Variants in STRN observed in about 807,000 individuals in gnomAD.
STRN encodes the protein protein phosphatase 2 regulatory subunit B'''alpha.
A neutral mutation model predicts 96.3 loss-of-function variants in STRN; 53 were observed. The observed-to-expected ratio is 0.55, with a 90% CI of 0.44 to 0.69. The LOEUF is 0.69. Ranked by LOEUF, STRN falls within the 30% of genes least tolerant of loss-of-function variation. STRN has a pLI of 0.00. For synonymous variants in STRN, 428 were observed against 355.9 expected, an observed-to-expected ratio of 1.20 and a Z score of -2.28; for missense variants, 987 against 963.9, an observed-to-expected ratio of 1.02 and a Z score of -0.32.
At chr2:36,879,175 A>T (rs372626698) in intron 9 of STRN, among the ~76,000 whole-genome samples, 5 of 151,842 alleles carry the variant, frequency 3.3e-5, no homozygotes, top group East Asian at 1.9e-4. Flanking sequence ...GGTTCAAGCA[A>T]TTCTCCTGCC....
intron 3 of STRN, among the ~76,000 whole-genome samples, chr2:36,907,223 G>A (rs919433565): frequency 3.9e-5 from 6 of 152,126 alleles, no homozygotes; most frequent in African/African-American, 1.4e-4. Flanking sequence ...ATACAATAGG[G>A]ACTGGAAAAA....
At chr2:36,965,646 C>CG (rs961659110) in intron 1 of STRN, among the ~76,000 whole-genome samples, 1 of 151,188 alleles carries the variant, frequency 6.6e-6, no homozygotes, top group Non-Finnish European at 1.5e-5. Flanking sequence ...GGGAGGGGGC[C>CG]GGGGGGTCGG....
At chr2:36,941,413 C>T (rs1558662616) in intron 1 of STRN, among the ~76,000 whole-genome samples, 1 of 152,114 alleles carries the variant, frequency 6.6e-6, no homozygotes, top group Non-Finnish European at 1.5e-5. Context: ...AAGTAATGTT[C>T]AAAGCTGTTA....
Position 36,855,063 on chromosome 2 carries a change from T to C in STRN, c.1978+149A>G, listed in dbSNP as rs1013692390. ...TTAACCCAAATTCTTAAAAGGTAAA[T>C]AATTACAACCTTCTAAGTAACTGTG... On this transcript the variant is annotated intron_variant, in intron 15 of 17. Transcript: ENST00000263918. 47 of 819,056 alleles carry C rather than the reference T, an allele frequency of 5.7e-5. No homozygotes were observed. In the Middle Eastern group the frequency reaches 2.2e-3, roughly 38 times the overall value. 50.7% of individuals were successfully genotyped at this position (819,056 alleles called of 1,614,324 possible). A position where few individuals can be genotyped will look rare whatever the true frequency, so the allele number is the denominator to read the frequency against.
chr2:36,846,387 T>A lies in STRN; in HGVS notation c.*3069A>T, dbSNP rs959308817. ...CAAAACAGTAAAATGCACCTATGGT[T>A]TATATATATATATATATATATATAT... On this transcript the variant is annotated 3_prime_UTR_variant, in exon 18 of 18. Transcript: ENST00000263918. 5.1e-5 allele frequency: 4 copies of A among 78,328 alleles called. No individual in the cohort carries two copies. The highest frequency in any genetic ancestry group is 4.5e-4 in the South Asian group (1 of 2,234). The allele number at this position is 78,328 out of a possible 1,614,324, so 4.9% of individuals were successfully genotyped here.
intron 1 of STRN, among the ~76,000 whole-genome samples, chr2:36,926,360 A>G (rs1219061878): frequency 1.3e-5 from 2 of 152,230 alleles, no homozygotes; most frequent in South Asian, 4.1e-4. Flanking sequence ...AACTAGCTAT[A>G]AATTTCACTA....
At chr2:36,929,506 T>G (rs147993529) in intron 1 of STRN, among the ~76,000 whole-genome samples, 2,230 of 151,726 alleles carry the variant, frequency 0.015, 20 homozygotes, top group Non-Finnish European at 0.021. Flanking sequence ...TACCTCACCC[T>G]CCTGAGTAGC....
chr2:36,909,001 A>T (rs571705116), intron 3 of STRN, among the ~76,000 whole-genome samples: 1 of 150,368 alleles, frequency 6.7e-6, no homozygotes, highest in Admixed American at 6.6e-5. Flanking sequence ...CACCCCAGAA[A>T]AAAAAATAGC....
At chr2:36,950,464 C>T (rs918548585) in intron 1 of STRN, among the ~76,000 whole-genome samples, 2 of 152,102 alleles carry the variant, frequency 1.3e-5, no homozygotes, top group Non-Finnish European at 2.9e-5. Context: ...GATCCACCCG[C>T]CTTGGCCTCC....
At position 36,957,744 on chromosome 2, in the gene STRN, C is replaced by CTT. The variant is rs1159531782; in HGVS notation, c.234+8484_234+8485dup. ...TTAGTCTCATAGTTCTTCTTTTTGTCTTTTTTTTTTTTTTTTTTTTTTTTT... is the reference window on the plus strand; with the variant it reads ...TTAGTCTCATAGTTCTTCTTTTTGTCTTTTTTTTTTTTTTTTTTTTTTTTTTT... On this transcript the variant is annotated intron_variant, in intron 1 of 17. Coordinates refer to ENST00000263918, the MANE Select transcript of STRN (RefSeq NM_003162.4). 5.6e-4 allele frequency among the ~76,000 whole-genome samples: 50 copies of CTT among 89,188 alleles called. 8 individuals carry two copies. In the East Asian group the frequency reaches 8.9e-3, roughly 16 times the overall value. The allele number at this position is 89,188 out of a possible 152,430, so 58.5% of individuals were successfully genotyped here. A position where few individuals can be genotyped will look rare whatever the true frequency, so the allele number is the denominator to read the frequency against.
chr2:36,867,951 A>G, intron 11 of STRN, 90 bp from the exon 12 acceptor site: 1 of 1,012,762 alleles, frequency 9.9e-7, no homozygotes, highest in Non-Finnish European at 1.4e-6. Context: ...AAAAATACAA[A>G]CATTATGGGA....
chr2:36,912,282 C>A (rs1303146947), intron 3 of STRN, among the ~76,000 whole-genome samples: 1 of 152,160 alleles, frequency 6.6e-6, no homozygotes. Context: ...TTTCCTTGAC[C>A]CCATGTGTCC....
chr2:36,894,375 C>A (rs1407925004), intron 6 of STRN, among the ~76,000 whole-genome samples: 2 of 152,142 alleles, frequency 1.3e-5, no homozygotes, highest in Non-Finnish European at 2.9e-5. Context: ...TAGTAGCTCT[C>A]CATGTATTTA....
At chr2:36,893,533 C>T (rs992270311) in intron 7 of STRN, among the ~76,000 whole-genome samples, 19 of 152,068 alleles carry the variant, frequency 1.2e-4, no homozygotes, top group Non-Finnish European at 2.2e-4. Flanking sequence ...TACTTCTTTT[C>T]GCATGTAAGA....
rs1426769362 is a variant in STRN at position 36,869,586 on chromosome 2, C to T, written c.1467G>A (p.Met489Ile). ...ITASEDHTLK[M>I]WNLQKTAPAK... ...CTGGGGCTGTTTTCTGTAAATTCCA[C>T]ATTTTTAATGTGTGATCCTCTGATG... is the stretch of plus-strand genomic sequence containing the variant. The change falls in exon 11 of 18, where the codon ATG becomes ATA. Residue 489 changes from methionine (M) to isoleucine (I), a missense_variant. Transcript: ENST00000263918. The T allele has an allele frequency of 1.3e-6, 2 of 1,585,548 alleles. No homozygotes were observed. The highest frequency in any genetic ancestry group is 4.6e-5 in the East Asian group (2 of 43,480).
Position 36,849,539 on chromosome 2 carries a change from A to C in STRN, c.2260T>G (p.Ser754Ala), listed in dbSNP as rs868276180. 1.2e-6 allele frequency: 2 copies of C among 1,614,176 alleles called. No individual in the cohort carries two copies. Among genetic ancestry groups the C allele is most frequent in the African/African-American group, 2.7e-5 (2 of 75,060 alleles). Residue 754 changes from serine to alanine, a missense_variant, in exon 18 of 18, where the codon TCG becomes GCG. Physicochemically the swap from Ser to Ala is moderately conservative, Grantham distance 99 (BLOSUM62 1). Transcript: ENST00000263918. ...FTAHRKKFEE[S>A]IHDVAFHPSK... is the part of the protein sequence containing the mutation. ...GGGTGGAAAGCTACATCATGAATCG[A>C]TTCTTCAAACTTTTTTCGATGAGCT...
intron 14 of STRN, among the ~76,000 whole-genome samples, chr2:36,855,788 G>A (rs749025957): frequency 3.9e-5 from 6 of 152,132 alleles, no homozygotes; most frequent in South Asian, 2.1e-4. Flanking sequence ...ATTATTTATC[G>A]TTAGAGTCAT....
At chr2:36,944,587 T>TATC (rs1389246451) in intron 1 of STRN, among the ~76,000 whole-genome samples, 1 of 152,204 alleles carries the variant, frequency 6.6e-6, no homozygotes, top group Non-Finnish European at 1.5e-5. Context: ...TTAATAAAAT[T>TATC]ATCATTGTTT....
At chr2:36,849,882 C>G in intron 16 of STRN, 82 bp from the exon 17 acceptor site, 1 of 1,310,152 alleles carries the variant, frequency 7.6e-7, no homozygotes, top group Non-Finnish European at 1.1e-6. Flanking sequence ...CTGCTGGTTT[C>G]TCCAGTCATC....
Sources: gnomAD v4.1 joint callset for allele counts (sites outside exome capture counted in the v4.1 genomes callset) on GRCh38, gnomAD v4.1.1 for gene constraint, MANE v1.5 for transcripts, NCBI Gene and HGNC (gene_info 2026-07-23, HGNC 2026-07-21) for gene names.